INSYN2B: variants seen among roughly 807,000 people sequenced by gnomAD.
INSYN2B encodes protein INSYN2B.
INSYN2B carries 16 observed loss-of-function variants against 41.2 expected under a neutral mutation model. The ratio of observed to expected loss-of-function variants is 0.39; its 90% CI spans 0.26 to 0.59. INSYN2B has a LOEUF of 0.59. Among genes scored for constraint, INSYN2B ranks in the 20% least tolerant of loss-of-function variants. The pLI is 0.57. For synonymous variants in INSYN2B, 245 were observed against 244.4 expected (o/e 1.00, Z -0.02); for missense variants, 608 against 646.4 (o/e 0.94, Z 0.64).
rs544739219 is a variant in INSYN2B at position 169,959,117 on chromosome 5, GCATGGTGGCT to G, written c.-919+21150_-919+21159del. 1.8e-3 allele frequency among the ~76,000 whole-genome samples: 274 copies of G among 152,304 alleles called. 6 individuals carry two copies. The South Asian group carries it at 0.048, about 27-fold the overall frequency. On this transcript the variant is annotated intron_variant, in intron 1 of 3. Coordinates refer to ENST00000377365, the MANE Select transcript of INSYN2B (RefSeq NM_001129891.3). The stretch of plus-strand genomic sequence containing the variant: ...TGTATAAAAAGCACAAACTGGCTGG[GCATGGTGGCT>G]CATGCCTGTAATCCCAGCACTTTGG...
At chr5:169,935,442 C>G (rs1191628026) in intron 1 of INSYN2B, among the ~76,000 whole-genome samples, 1 of 152,184 alleles carries the variant, frequency 6.6e-6, no homozygotes, top group Non-Finnish European at 1.5e-5. Flanking sequence ...ATCTGACATG[C>G]TGAACTGTCA....
At chr5:169,896,884 AG>A (rs11339615) in intron 1 of INSYN2B, among the ~76,000 whole-genome samples, 30,264 of 152,162 alleles carry the variant, frequency 0.2, 4,288 homozygotes, top group African/African-American at 0.4. Context: ...AGAAGATGAG[AG>A]GTAAAAAATA....
At chr5:169,889,923 A>T (rs1019096180) in intron 1 of INSYN2B, among the ~76,000 whole-genome samples, 5 of 152,236 alleles carry the variant, frequency 3.3e-5, no homozygotes, top group African/African-American at 9.6e-5. Context: ...TTGTTTGCTG[A>T]CACATTGCCG....
At chr5:169,904,613 C>T (rs1774165153) in intron 1 of INSYN2B, among the ~76,000 whole-genome samples, 1 of 152,122 alleles carries the variant, frequency 6.6e-6, no homozygotes, top group African/African-American at 2.4e-5. Context: ...CACATGGAGG[C>T]CTTCCAACCA....
intron 1 of INSYN2B, among the ~76,000 whole-genome samples, chr5:169,930,003 T>A (rs937917097): frequency 6.6e-6 from 1 of 152,210 alleles, no homozygotes; most frequent in African/African-American, 2.4e-5. Context: ...TTATTTTGTT[T>A]ATTTTTGAGA....
At chr5:169,946,147 A>G (rs146253338) in intron 1 of INSYN2B, among the ~76,000 whole-genome samples, 1 of 152,332 alleles carries the variant, frequency 6.6e-6, no homozygotes, top group East Asian at 1.9e-4. Flanking sequence ...GTGATCTAAC[A>G]GTCTCCCTGC....
At chr5:169,912,910 T>C (rs187326862) in intron 1 of INSYN2B, among the ~76,000 whole-genome samples, 1 of 152,284 alleles carries the variant, frequency 6.6e-6, no homozygotes, top group Non-Finnish European at 1.5e-5. Flanking sequence ...AAATTCCTTG[T>C]CTAGAAGTAA....
chr5:169,872,353 C>T (rs753888327), intron 3 of INSYN2B, among the ~76,000 whole-genome samples: 2 of 152,216 alleles, frequency 1.3e-5, no homozygotes, highest in African/African-American at 2.4e-5. Flanking sequence ...TCTCGGATCA[C>T]AGGAACTTTA....
chr5:169,976,176 C>G (rs7737870), intron 1 of INSYN2B, among the ~76,000 whole-genome samples: 44,295 of 152,124 alleles, frequency 0.29, 7,321 homozygotes, highest in Middle Eastern at 0.39. Context: ...TTCAACTCTA[C>G]CTTCTGACAA....
At chr5:169,906,553 A>G (rs1180069892) in intron 1 of INSYN2B, among the ~76,000 whole-genome samples, 4 of 152,098 alleles carry the variant, frequency 2.6e-5, no homozygotes, top group Admixed American at 1.3e-4. Flanking sequence ...GCTGGTCTTA[A>G]GTTCCTGGGT....
At chr5:169,946,959 A>G (rs1776476757) in intron 1 of INSYN2B, among the ~76,000 whole-genome samples, 1 of 152,064 alleles carries the variant, frequency 6.6e-6, no homozygotes, top group Non-Finnish European at 1.5e-5. Context: ...GAGTTTTGCC[A>G]TATGGGAGGA....
intron 1 of INSYN2B, among the ~76,000 whole-genome samples, chr5:169,972,570 TAGATAGATAGATAGATGATAGATAGATA>T (rs1777549576): frequency 1.5e-5 from 1 of 64,598 alleles, no homozygotes; most frequent in South Asian, 3.3e-4. Flanking sequence ...GATAGATAGA[TAGATAGATAGATAGATGATAGATAGATA>T]GATAGATAGA....
intron 1 of INSYN2B, among the ~76,000 whole-genome samples, chr5:169,935,629 G>T (rs1775954649): frequency 6.6e-6 from 1 of 152,130 alleles, no homozygotes; most frequent in South Asian, 2.1e-4. Flanking sequence ...TGAAATGAAG[G>T]TCTTCATAGT....
At chr5:169,877,577 G>A (rs374184247) in intron 3 of INSYN2B, among the ~76,000 whole-genome samples, 1 of 152,180 alleles carries the variant, frequency 6.6e-6, no homozygotes, top group East Asian at 1.9e-4. Context: ...GGTGAAATAG[G>A]TGTGTTTGGG....
chr5:169,926,703 A>G (rs947994916), intron 1 of INSYN2B, among the ~76,000 whole-genome samples: 5 of 152,234 alleles, frequency 3.3e-5, no homozygotes, highest in African/African-American at 9.7e-5. Flanking sequence ...ATTTAAAGAA[A>G]AACAAACCAA....
intron 1 of INSYN2B, among the ~76,000 whole-genome samples, chr5:169,911,607 G>A (rs936117321): frequency 3.9e-5 from 6 of 152,174 alleles, no homozygotes; most frequent in Admixed American, 3.3e-4. Flanking sequence ...TTCATTTCAC[G>A]TGGTGCTAAA....
chr5:169,977,092 A>G (rs1777742746), intron 1 of INSYN2B, among the ~76,000 whole-genome samples: 1 of 152,180 alleles, frequency 6.6e-6, no homozygotes, highest in Non-Finnish European at 1.5e-5. Context: ...TTCGATGAAG[A>G]CAGTTATTTT....
At position 169,884,498 on chromosome 5, in the gene INSYN2B, A is replaced by T. The variant is rs1194075524; in HGVS notation, c.-600T>A. 2 of 152,252 alleles carry T rather than the reference A, an allele frequency of 1.3e-5. No individual in the cohort carries two copies. The highest frequency in any genetic ancestry group is 3.9e-4 in the East Asian group (2 of 5,194). The allele number at this position is 152,252 out of a possible 1,614,324, so 9.4% of individuals were successfully genotyped here. On this transcript the variant is annotated 5_prime_UTR_variant, in exon 2 of 4. Transcript: ENST00000377365. ...TGATGATACATGATGCTCCCAAGGG[A>T]ACATTCCCATTTATGTCAATCACAA...
At chr5:169,903,705 G>A (rs1774097136) in intron 1 of INSYN2B, among the ~76,000 whole-genome samples, 2 of 152,124 alleles carry the variant, frequency 1.3e-5, no homozygotes, top group African/African-American at 4.8e-5. Context: ...GGGGCAGGGG[G>A]AGAAAAGAAG....
Sources: gnomAD v4.1 joint callset for allele counts (sites outside exome capture counted in the v4.1 genomes callset) on GRCh38, gnomAD v4.1.1 for gene constraint, MANE v1.5 for transcripts, NCBI Gene and HGNC (gene_info 2026-07-23, HGNC 2026-07-21) for gene names.